The following CALM2 variants were observed in gnomAD, a reference collection of about 807,000 sequenced individuals.
The protein encoded by CALM2 is calmodulin 2.
In CALM2, 2 loss-of-function variants were observed where a neutral mutation model predicts 19.8. The observed-to-expected ratio is 0.10, with a 90% CI of 0.04 to 0.32. The LOEUF (loss-of-function observed/expected upper bound fraction) is 0.32, where lower values mean the gene tolerates loss of function less well. Among genes scored for constraint, CALM2 ranks in the 10% least tolerant of loss-of-function variants. The pLI, the probability that CALM2 is intolerant of heterozygous loss-of-function variation, is 1.00. For synonymous variants in CALM2, 51 were observed against 52.1 expected, an observed-to-expected ratio of 0.98 and a Z score of 0.09; for missense variants, 38 against 178.7, an observed-to-expected ratio of 0.21 and a Z score of 4.49.
At chr2:47,176,747 A>G, upstream of CALM2, 1 of 1,368,790 alleles carries the variant, frequency 7.3e-7, no homozygotes. Flanking sequence ...AGGCCGGTGG[A>G]GCGGCCCCTG....
chr2:47,169,865 C>G (rs984396252), intron 2 of CALM2, among the ~76,000 whole-genome samples: 2 of 151,078 alleles, frequency 1.3e-5, no homozygotes, highest in Non-Finnish European at 2.9e-5. Flanking sequence ...TTCCTGCTTA[C>G]TGTGAAAACT....
chr2:47,168,907 G>A (rs753153206), intron 2 of CALM2, among the ~76,000 whole-genome samples: 2 of 151,954 alleles, frequency 1.3e-5, no homozygotes, highest in African/African-American at 4.8e-5. Context: ...CCTCCTGAGT[G>A]GCTGGGATTA....
intron 2 of CALM2, chr2:47,163,149 A>C (rs574394922): frequency 6.4e-6 from 1 of 155,434 alleles, no homozygotes; most frequent in African/African-American, 2.4e-5. Context: ...CAGAGTAATT[A>C]AACTGTTTCT....
rs1479486983 is a variant in CALM2 at position 47,169,254 on chromosome 2, TAGAC to T, written c.34+1476_34+1479del. Among the ~76,000 whole-genome samples the T allele has an allele frequency of 4.6e-5, 7 of 152,260 alleles. 1 individual carries two copies. In the South Asian group the frequency reaches 6.2e-4, roughly 14 times the overall value. ...GGTCAGAGTTTAAGAGTGAAAGTAT[TAGAC>T]AGCCTGAGACAATTTGGGAAGGAGA... is the stretch of plus-strand genomic sequence containing the variant. On this transcript the variant is annotated intron_variant, in intron 2 of 5. Transcript: ENST00000272298.
At chr2:47,166,351 A>T (rs1666471425) in intron 2 of CALM2, among the ~76,000 whole-genome samples, 2 of 152,224 alleles carry the variant, frequency 1.3e-5, no homozygotes, top group Non-Finnish European at 2.9e-5. Context: ...TTAGGTGCAT[A>T]AATTCCCAAT....
chr2:47,171,019 G>T, intron 1 of CALM2: 1 of 420,776 alleles, frequency 2.4e-6, no homozygotes, highest in East Asian at 3.8e-5. Context: ...TAGAAACATT[G>T]CTTCCTTTTT....
chr2:47,164,977 C>T (rs1306254901), intron 2 of CALM2, among the ~76,000 whole-genome samples: 1 of 152,216 alleles, frequency 6.6e-6, no homozygotes, highest in Admixed American at 6.5e-5. Flanking sequence ...AATATCTTCA[C>T]ATCGCTTAGC....
At position 47,176,445 on chromosome 2, in the gene CALM2, C is replaced by T. The variant is rs748254242; in HGVS notation, c.-2G>A. On this transcript the variant is annotated 5_prime_UTR_variant, in exon 1 of 6. Coordinates refer to ENST00000272298, the MANE Select transcript of CALM2 (RefSeq NM_001743.6). Reference sequence around the variant, plus strand: ...GCAGCTCAGCGATGCACTCACCATGCTGCAAGCGCTACCGGTTTCCGAGAC... The same window carrying T: ...GCAGCTCAGCGATGCACTCACCATGTTGCAAGCGCTACCGGTTTCCGAGAC... 6.2e-7 allele frequency: 1 copy of T among 1,613,662 alleles called. No homozygotes were observed. The highest frequency in any genetic ancestry group is 2.2e-5 in the East Asian group (1 of 44,870).
At chr2:47,174,248 G>C (rs986024274) in intron 1 of CALM2, 4 of 151,912 alleles carry the variant, frequency 2.6e-5, no homozygotes, top group Admixed American at 2.6e-4. Flanking sequence ...TTTAACTTGG[G>C]GTCCTAATTT....
At chr2:47,164,241 AAAAAAAAAAAAG>A (rs1272635677) in intron 2 of CALM2, among the ~76,000 whole-genome samples, 1 of 76,828 alleles carries the variant, frequency 1.3e-5, no homozygotes, top group African/African-American at 3.1e-5. Context: ...CCGTCTCAAA[AAAAAAAAAAAAG>A]AAGAAAAAGA....
chr2:47,176,833 A>C, upstream of CALM2: 1 of 985,322 alleles, frequency 1.0e-6, no homozygotes, highest in Non-Finnish European at 1.2e-6. Flanking sequence ...CCTGCCTCTG[A>C]TTGGCTGGTT....
intron 2 of CALM2, 112 bp from the exon 3 acceptor site, chr2:47,162,774 C>G (rs1687195807): frequency 1.1e-6 from 1 of 870,382 alleles, no homozygotes. Context: ...TGCCAGTGAA[C>G]AGCCACTGCA....
At chr2:47,176,572 G>C (rs899633621), upstream of CALM2, 3 of 1,549,132 alleles carry the variant, frequency 1.9e-6, no homozygotes, top group Admixed American at 2.0e-5. Context: ...TCCCTCCGCC[G>C]CATCCAGATA....
upstream of CALM2, chr2:47,176,875 C>A (rs912338518): frequency 5.1e-6 from 5 of 985,272 alleles, no homozygotes; most frequent in African/African-American, 8.7e-5. Context: ...GGACTCGCAG[C>A]CGCCGCCGGG....
chr2:47,162,745 C>A, intron 2 of CALM2, 83 bp from the exon 3 acceptor site: 3 of 1,176,640 alleles, frequency 2.5e-6, no homozygotes, highest in Non-Finnish European at 2.4e-6. Context: ...CTCTTAAAGC[C>A]TACTCAGTGG....
chr2:47,160,668 C>G lies in CALM2; in HGVS notation c.*108G>C, dbSNP rs901994830. 6 of 594,562 alleles carry G rather than the reference C, an allele frequency of 1.0e-5. No individual in the cohort carries two copies. Among genetic ancestry groups the G allele is most frequent in the Non-Finnish European group, 1.8e-5 (6 of 334,944 alleles). 36.8% of individuals were successfully genotyped at this position (594,562 alleles called of 1,614,324 possible). ...AATGAAGTCCTAATTACTATACATGCATATTTTTTTGACAGTAGGGAGAAA... is the reference window on the plus strand; with the variant it reads ...AATGAAGTCCTAATTACTATACATGGATATTTTTTTGACAGTAGGGAGAAA... On this transcript the variant is annotated 3_prime_UTR_variant, in exon 6 of 6. Coordinates refer to ENST00000272298, the MANE Select transcript of CALM2 (RefSeq NM_001743.6).
intron 5 of CALM2, 125 bp downstream of exon 5, chr2:47,161,598 G>T: frequency 1.3e-6 from 1 of 781,614 alleles, no homozygotes; most frequent in Non-Finnish European, 2.0e-6. Flanking sequence ...AAGGTTAAAT[G>T]TAAGTAACTG....
intron 1 of CALM2, chr2:47,172,305 AGTCACAG>A: frequency 5.4e-6 from 2 of 368,274 alleles, no homozygotes; most frequent in South Asian, 2.1e-5. Flanking sequence ...TCAAGTTCTG[AGTCACAG>A]GCCAGTATCC....
chr2:47,162,196 AAAAACAAC>A, intron 4 of CALM2, 82 bp downstream of exon 4: 3 of 490,298 alleles, frequency 6.1e-6, no homozygotes, highest in African/African-American at 2.2e-5. Flanking sequence ...AAAAAAAAAA[AAAAACAAC>A]CAAAAAAACA....
Sources: allele counts gnomAD v4.1 joint callset (sites outside exome capture counted in the v4.1 genomes callset), GRCh38; gene constraint gnomAD v4.1.1; transcripts MANE v1.5; gene names NCBI Gene and HGNC (gene_info 2026-07-23, HGNC 2026-07-21).